The following SLCO1B1 variants were observed in gnomAD, a reference collection of about 807,000 sequenced individuals.
SLCO1B1 encodes the protein solute carrier organic anion transporter family member 1B1, also known as OATP-2.
A neutral mutation model predicts 70.1 loss-of-function variants in SLCO1B1; 81 were observed. The observed-to-expected ratio is 1.16, with a 90% CI of 0.97 to 1.39. SLCO1B1 has a LOEUF of 1.39. Among genes scored for constraint, SLCO1B1 ranks in the 40% most tolerant of loss-of-function variants. The pLI is 0.00. For missense variants in SLCO1B1, 895 were observed against 799.6 expected (o/e 1.12, Z -1.44); for synonymous variants, 283 against 271.5 (o/e 1.04, Z -0.42).
chr12:21,166,319 T>C (rs1029751306), intron 2 of SLCO1B1, among the ~76,000 whole-genome samples: 2 of 152,144 alleles, frequency 1.3e-5, no homozygotes, highest in African/African-American at 2.4e-5. Context: ...GAAATAATCA[T>C]GGGCAAGAGT....
Position 21,202,687 on chromosome 12 carries a change from G to T in SLCO1B1, c.1331+1G>T. 2 of 1,605,136 alleles carry T rather than the reference G, an allele frequency of 1.2e-6. No individual in the cohort carries two copies. The highest frequency in any genetic ancestry group is 1.7e-6 in the Non-Finnish European group (2 of 1,173,524). ...CCGGACTAACCATGACCTATGATGGGTTTGTATATATCACTATATCAATTG... is the reference window on the plus strand; with the variant it reads ...CCGGACTAACCATGACCTATGATGGTTTTGTATATATCACTATATCAATTG... On this transcript the variant is annotated splice_donor_variant, in intron 10 of 14. Coordinates refer to ENST00000256958, the MANE Select transcript of SLCO1B1 (RefSeq NM_006446.5). LOFTEE classifies it high-confidence loss of function.
chr12:21,192,562 GT>G (rs1042125201), intron 7 of SLCO1B1, among the ~76,000 whole-genome samples: 1,965 of 147,640 alleles, frequency 0.013, 36 homozygotes, highest in African/African-American at 0.045. Flanking sequence ...TTTTTCTAAT[GT>G]TTTTTTTTCC....
intron 4 of SLCO1B1, among the ~76,000 whole-genome samples, chr12:21,176,321 G>T (rs1940820836): frequency 5.3e-5 from 8 of 151,998 alleles, no homozygotes. Flanking sequence ...TCATCTAGTT[G>T]AAATGGATTA....
chr12:21,135,510 G>T (rs1013459283), intron 1 of SLCO1B1, among the ~76,000 whole-genome samples: 55 of 152,140 alleles, frequency 3.6e-4, no homozygotes, highest in Non-Finnish European at 7.1e-4. Flanking sequence ...TTATGAATCT[G>T]GGTGCTCCTG....
At chr12:21,134,281 G>A (rs1285897214) in intron 1 of SLCO1B1, among the ~76,000 whole-genome samples, 1 of 152,128 alleles carries the variant, frequency 6.6e-6, no homozygotes, top group Non-Finnish European at 1.5e-5. Flanking sequence ...CAAGGATATT[G>A]GTCTAAAATT....
intron 8 of SLCO1B1, among the ~76,000 whole-genome samples, chr12:21,198,382 A>G (rs902940158): frequency 2.0e-5 from 3 of 152,136 alleles, no homozygotes; most frequent in African/African-American, 4.8e-5. Flanking sequence ...TAACATTCAC[A>G]CTAAAAGTAC....
intron 5 of SLCO1B1, 106 bp from the exon 6 acceptor site, chr12:21,178,464 CTTGTAA>C (rs1438362420): frequency 1.4e-6 from 1 of 700,450 alleles, no homozygotes; most frequent in African/African-American, 2.2e-5. Flanking sequence ...ATTACTTGTA[CTTGTAA>C]ATTAAAAAAA....
At chr12:21,137,285 C>T (rs1940238183) in intron 1 of SLCO1B1, among the ~76,000 whole-genome samples, 1 of 152,284 alleles carries the variant, frequency 6.6e-6, no homozygotes. Flanking sequence ...GTCAGGGACC[C>T]ACTTGAGGAG....
intron 2 of SLCO1B1, among the ~76,000 whole-genome samples, chr12:21,149,680 A>G (rs917342522): frequency 6.6e-6 from 1 of 152,140 alleles, no homozygotes; most frequent in Non-Finnish European, 1.5e-5. Context: ...TCCAGATACT[A>G]TGCTTTTCCC....
chr12:21,230,037 C>T (rs1356181015), intron 14 of SLCO1B1, among the ~76,000 whole-genome samples: 1 of 151,950 alleles, frequency 6.6e-6, no homozygotes, highest in Non-Finnish European at 1.5e-5. Flanking sequence ...GGAGGTTCTC[C>T]CCTATTCCAA....
chr12:21,164,258 G>A (rs777418316), intron 2 of SLCO1B1, among the ~76,000 whole-genome samples: 3 of 152,020 alleles, frequency 2.0e-5, no homozygotes, highest in East Asian at 1.9e-4. Flanking sequence ...TGTCAAATTC[G>A]ACTTGTGAAA....
chr12:21,233,586 A>G (rs1429891627), intron 14 of SLCO1B1, among the ~76,000 whole-genome samples: 1 of 127,664 alleles, frequency 7.8e-6, no homozygotes, highest in African/African-American at 3.1e-5. Flanking sequence ...AAAAAAAAAC[A>G]AGAGCCCCAA....
intron 1 of SLCO1B1, among the ~76,000 whole-genome samples, chr12:21,137,137 A>G (rs1302583984): frequency 1.3e-5 from 2 of 152,196 alleles, no homozygotes; most frequent in Admixed American, 6.5e-5. Context: ...CAGTGGCTGT[A>G]GAAGAGCGGA....
At chr12:21,218,765 CGAT>C (rs1941389554) in intron 12 of SLCO1B1, among the ~76,000 whole-genome samples, 1 of 152,070 alleles carries the variant, frequency 6.6e-6, no homozygotes, top group African/African-American at 2.4e-5. Context: ...GTTCCATCAT[CGAT>C]GATAACAATA....
intron 1 of SLCO1B1, among the ~76,000 whole-genome samples, chr12:21,137,622 T>C (rs1456181462): frequency 1.3e-5 from 2 of 152,182 alleles, no homozygotes; most frequent in Non-Finnish European, 2.9e-5. Flanking sequence ...TCTGTGGGCA[T>C]AGGACCCTCC....
chr12:21,155,812 C>T (rs893981391), intron 2 of SLCO1B1, among the ~76,000 whole-genome samples: 6 of 152,132 alleles, frequency 3.9e-5, no homozygotes, highest in Non-Finnish European at 8.8e-5. Context: ...AGATTGTTAA[C>T]TAGTACTGCA....
At chr12:21,159,753 C>T (rs540271684) in intron 2 of SLCO1B1, among the ~76,000 whole-genome samples, 2 of 152,206 alleles carry the variant, frequency 1.3e-5, no homozygotes, top group Admixed American at 6.5e-5. Context: ...GCTCCTTCAG[C>T]TGATAAACAA....
At chr12:21,219,723 C>T (rs1027595739) in intron 12 of SLCO1B1, among the ~76,000 whole-genome samples, 1 of 151,982 alleles carries the variant, frequency 6.6e-6, no homozygotes, top group Admixed American at 6.6e-5. Context: ...GTAAATGAAA[C>T]AAATATGAGT....
At chr12:21,196,885 T>A in intron 7 of SLCO1B1, 61 bp from the exon 8 acceptor site, 1 of 1,516,886 alleles carries the variant, frequency 6.6e-7, no homozygotes, top group South Asian at 1.1e-5. Flanking sequence ...TACCATTATT[T>A]CCCTGAACCT....
Sources: gnomAD v4.1 joint callset for allele counts (sites outside exome capture counted in the v4.1 genomes callset) on GRCh38, gnomAD v4.1.1 for gene constraint, MANE v1.5 for transcripts, NCBI Gene and HGNC (gene_info 2026-07-23, HGNC 2026-07-21) for gene names.